C6: variants seen among roughly 807,000 people sequenced by gnomAD.
The protein encoded by C6 is complement component C6.
Under a neutral mutation model 112.9 loss-of-function variants are expected in C6, and 101 were observed. The ratio of observed to expected loss-of-function variants is 0.89; its 90% CI spans 0.76 to 1.06. The LOEUF (loss-of-function observed/expected upper bound fraction) is 1.06. Ranked by LOEUF, C6 falls within the 50% of genes least tolerant of loss-of-function variation. C6 has a pLI of 0.00. For missense variants in C6, 1,202 were observed against 1,104.6 expected (o/e 1.09, Z -1.25); for synonymous variants, 431 against 384.1 (o/e 1.12, Z -1.43).
rs78452297 is a variant in C6 at position 41,233,842 on chromosome 5, A to G, written c.-21+27352T>C. 2.1e-3 allele frequency among the ~76,000 whole-genome samples: 323 copies of G among 152,224 alleles called. 3 individuals are homozygous for G. Among genetic ancestry groups the G allele is most frequent in the African/African-American group, 7.5e-3 (310 of 41,580 alleles). On this transcript the variant is annotated intron_variant, in intron 1 of 17. Transcript: ENST00000263413. The stretch of plus-strand genomic sequence containing the variant: ...TATTGGCAGGTTATATGAGAACTCC[A>G]TCTATCTCTATATTTACAGTTTATT...
chr5:41,243,818 C>G (rs1475065270), intron 1 of C6, among the ~76,000 whole-genome samples: 2 of 152,310 alleles, frequency 1.3e-5, no homozygotes, highest in African/African-American at 4.8e-5. Flanking sequence ...AGCACTCAAA[C>G]TTGGACAGCT....
intron 5 of C6, 150 bp downstream of exon 5, chr5:41,195,642 C>A: frequency 1.2e-6 from 1 of 869,094 alleles, no homozygotes; most frequent in East Asian, 2.4e-5. Context: ...CACATACCTC[C>A]TGAACATGGT....
At chr5:41,222,690 A>G (rs1400781470) in intron 1 of C6, among the ~76,000 whole-genome samples, 1 of 152,214 alleles carries the variant, frequency 6.6e-6, no homozygotes, top group Non-Finnish European at 1.5e-5. Flanking sequence ...CTTTGTGCAT[A>G]TAGCTTCCCC....
At chr5:41,247,458 T>C (rs1741090104) in intron 1 of C6, among the ~76,000 whole-genome samples, 1 of 151,922 alleles carries the variant, frequency 6.6e-6, no homozygotes, top group Non-Finnish European at 1.5e-5. Context: ...AAAAATAAAA[T>C]AAAATATTTA....
chr5:41,180,372 G>T (rs1356418070), intron 7 of C6, among the ~76,000 whole-genome samples: 1 of 152,108 alleles, frequency 6.6e-6, no homozygotes, highest in Non-Finnish European at 1.5e-5. Flanking sequence ...GCAATAGACA[G>T]TATTTTAAAA....
At chr5:41,212,795 T>C (rs1752030002) in intron 1 of C6, 6 of 152,210 alleles carry the variant, frequency 3.9e-5, no homozygotes, top group Admixed American at 3.3e-4. Context: ...ATGATAGCTT[T>C]ATGAGCATTT....
chr5:41,202,965 AT>A (rs1751146690), intron 2 of C6, 122 bp downstream of exon 2: 1 of 978,904 alleles, frequency 1.0e-6, no homozygotes, highest in Admixed American at 1.8e-5. Context: ...TTTCATCCAA[AT>A]TTGTAAGTTC....
At chr5:41,157,067 A>G (rs1746984474) in intron 13 of C6, among the ~76,000 whole-genome samples, 1 of 152,182 alleles carries the variant, frequency 6.6e-6, no homozygotes, top group Non-Finnish European at 1.5e-5. Context: ...GAATCTATAC[A>G]AGGGGCATTT....
chr5:41,154,264 T>C (rs551435122), intron 14 of C6, among the ~76,000 whole-genome samples: 10 of 152,230 alleles, frequency 6.6e-5, no homozygotes, highest in East Asian at 1.9e-4. Context: ...TATGAAATCA[T>C]TGGGACCTTT....
intron 1 of C6, among the ~76,000 whole-genome samples, chr5:41,220,069 G>A (rs1294198383): frequency 1.3e-5 from 2 of 152,132 alleles, no homozygotes; most frequent in Non-Finnish European, 2.9e-5. Flanking sequence ...TTTTATTAAT[G>A]ATGACAAGAA....
At chr5:41,177,051 G>A (rs1161446476) in intron 7 of C6, among the ~76,000 whole-genome samples, 2 of 152,120 alleles carry the variant, frequency 1.3e-5, no homozygotes, top group African/African-American at 4.8e-5. Context: ...TTTTTATTTA[G>A]AATATTTGCT....
intron 7 of C6, among the ~76,000 whole-genome samples, chr5:41,176,983 T>G (rs1748913636): frequency 6.6e-6 from 1 of 152,212 alleles, no homozygotes; most frequent in South Asian, 2.1e-4. Context: ...AAGAAATCAG[T>G]GATCAAAAAA....
At chr5:41,196,462 A>G (rs1750629500) in intron 4 of C6, among the ~76,000 whole-genome samples, 1 of 152,000 alleles carries the variant, frequency 6.6e-6, no homozygotes, top group East Asian at 1.9e-4. Flanking sequence ...GGAATTAACT[A>G]GAAAGGAGAA....
At chr5:41,165,368 A>G (rs985239032) in intron 9 of C6, among the ~76,000 whole-genome samples, 1 of 152,174 alleles carries the variant, frequency 6.6e-6, no homozygotes, top group Non-Finnish European at 1.5e-5. Flanking sequence ...AATAGTTTCC[A>G]AAATGGTATT....
intron 13 of C6, among the ~76,000 whole-genome samples, chr5:41,156,032 G>A (rs138554490): frequency 6.6e-6 from 1 of 151,896 alleles, no homozygotes; most frequent in Admixed American, 6.6e-5. Flanking sequence ...CTGGGGGGTG[G>A]GGGTGATTCA....
At position 41,158,525 on chromosome 5, in the gene C6, G is replaced by A. The variant is rs1291545410; in HGVS notation, c.1968+149C>T. 6.0e-6 allele frequency: 4 copies of A among 667,884 alleles called. No homozygotes were observed. The African/African-American group carries it at 7.2e-5, about 12-fold the overall frequency. The allele number at this position is 667,884 out of a possible 1,614,324, so 41.4% of individuals were successfully genotyped here. A position where few individuals can be genotyped will look rare whatever the true frequency, so the allele number is the denominator to read the frequency against. Reference sequence around the variant, plus strand: ...TCTCTAGGAAATTCAAGATGGAAGAGTGGCAAAGTGTTTCTAAATATTATT... The same window carrying A: ...TCTCTAGGAAATTCAAGATGGAAGAATGGCAAAGTGTTTCTAAATATTATT... On this transcript the variant is annotated intron_variant, in intron 13 of 17. Coordinates refer to ENST00000337836, the MANE Select transcript of C6 (RefSeq NM_000065.5).
intron 1 of C6, among the ~76,000 whole-genome samples, chr5:41,229,766 C>T (rs991487546): frequency 3.3e-5 from 5 of 152,096 alleles, no homozygotes; most frequent in African/African-American, 1.2e-4. Flanking sequence ...TTACTGTTAA[C>T]AGTGGGGTAT....
At chr5:41,156,491 C>T (rs1746926009) in intron 13 of C6, among the ~76,000 whole-genome samples, 1 of 152,156 alleles carries the variant, frequency 6.6e-6, no homozygotes, top group South Asian at 2.1e-4. Flanking sequence ...GAATACAAAA[C>T]ATTATCCTTC....
intron 1 of C6, among the ~76,000 whole-genome samples, chr5:41,228,049 C>A (rs1036918157): frequency 6.6e-6 from 1 of 151,898 alleles, no homozygotes; most frequent in Non-Finnish European, 1.5e-5. Context: ...ATCTGTAGAT[C>A]GATTTTGGTA....
Sources: allele counts gnomAD v4.1 joint callset (sites outside exome capture counted in the v4.1 genomes callset), GRCh38; gene constraint gnomAD v4.1.1; transcripts MANE v1.5; gene names NCBI Gene and HGNC (gene_info 2026-07-23, HGNC 2026-07-21).